Variants in PBX1 observed in about 807,000 individuals in gnomAD.
The protein encoded by PBX1 is PBX homeobox 1.
In PBX1, 6 loss-of-function variants were observed where a neutral mutation model predicts 53.4. That is an observed-to-expected ratio of 0.11 (90% CI 0.06 to 0.22). The LOEUF (loss-of-function observed/expected upper bound fraction) is 0.22. Among genes scored for constraint, PBX1 ranks in the 10% least tolerant of loss-of-function variants. The probability of loss-of-function intolerance (pLI) is 1.00; values close to 1 mark genes in which losing one functional copy is unlikely to be tolerated. For synonymous variants in PBX1, 204 were observed against 212.3 expected, an observed-to-expected ratio of 0.96 and a Z score of 0.34; for missense variants, 251 against 551.4, an observed-to-expected ratio of 0.46 and a Z score of 5.46.
intron 8 of PBX1, among the ~76,000 whole-genome samples, chr1:164,822,858 A>T (rs1038967755): frequency 6.6e-6 from 1 of 152,204 alleles, no homozygotes; most frequent in Non-Finnish European, 1.5e-5. Context: ...CCTTTCTCAC[A>T]GTAAGAGTCC....
At chr1:164,846,104 A>G (rs1671557852) in intron 8 of PBX1, among the ~76,000 whole-genome samples, 1 of 152,172 alleles carries the variant, frequency 6.6e-6, no homozygotes, top group African/African-American at 2.4e-5. Flanking sequence ...TGCAGAACAA[A>G]TACCTGGAAT....
At chr1:164,793,909 C>T (rs1553247247) in intron 3 of PBX1, among the ~76,000 whole-genome samples, 1 of 111,454 alleles carries the variant, frequency 9.0e-6, no homozygotes, top group Non-Finnish European at 1.7e-5. Context: ...GGGTCTCACT[C>T]TGTCACCCAG....
chr1:164,597,931 G>C (rs1655882258), intron 2 of PBX1, among the ~76,000 whole-genome samples: 3 of 152,024 alleles, frequency 2.0e-5, no homozygotes, highest in African/African-American at 7.3e-5. Flanking sequence ...TCCATATTCT[G>C]TTGGTATAAC....
chr1:164,698,561 G>T, intron 2 of PBX1, among the ~76,000 whole-genome samples: 1 of 152,136 alleles, frequency 6.6e-6, no homozygotes, highest in Middle Eastern at 3.4e-3. Flanking sequence ...AATGTTGCCA[G>T]CCTCCCGCAT....
At chr1:164,591,040 T>G in intron 2 of PBX1, among the ~76,000 whole-genome samples, 1 of 142,362 alleles carries the variant, frequency 7.0e-6, no homozygotes, top group South Asian at 2.3e-4. Flanking sequence ...TGAGATGGAG[T>G]CTTGCTCTGT....
At chr1:164,599,350 C>G (rs899568051) in intron 2 of PBX1, among the ~76,000 whole-genome samples, 1 of 152,104 alleles carries the variant, frequency 6.6e-6, no homozygotes, top group Non-Finnish European at 1.5e-5. Context: ...TCTTCTACTG[C>G]TCAGCCACAC....
At chr1:164,775,320 C>T (rs984244876) in intron 2 of PBX1, among the ~76,000 whole-genome samples, 3 of 152,086 alleles carry the variant, frequency 2.0e-5, no homozygotes, top group South Asian at 2.1e-4. Flanking sequence ...GTTTGCAAGG[C>T]GATCTTAGTG....
chr1:164,870,329 CTTTCTTTCTTTCTTTCTTTCTTTCTTT>C lies in PBX1; in HGVS notation n.258-28858_258-28832del, dbSNP rs1558053800. On this transcript the variant is annotated intron_variant and non_coding_transcript_variant, in intron 2 of 2. Transcript: ENST00000558796. ...TCTTTCTTTCTTTCTTTCTTTCTTT[CTTTCTTTCTTTCTTTCTTTCTTTCTTT>C]CTTTCGAGATGAAGTCTTGCTCTGT... Among the ~76,000 whole-genome samples the C allele has an allele frequency of 5.7e-4, 59 of 103,316 alleles. 1 individual carries two copies. Among genetic ancestry groups the C allele is most frequent in the South Asian group, 1.8e-3 (5 of 2,818 alleles). The allele number at this position is 103,316 out of a possible 152,430, so 67.8% of individuals were successfully genotyped here. A position where few individuals can be genotyped will look rare whatever the true frequency, so the allele number is the denominator to read the frequency against.
In PBX1 at chr1:164,753,093, C is replaced by T. The variant is rs192297112; in HGVS notation, c.266-39401C>T. ...CGGGGCTGTTGGAGAATAGTGAAAA[C>T]GATCTGAATCTTTTATCTGTGCTGC... On this transcript the variant is annotated intron_variant, in intron 2 of 8. Coordinates refer to ENST00000420696, the MANE Select transcript of PBX1 (RefSeq NM_002585.4). Among the ~76,000 whole-genome samples, 403 of 152,258 alleles carry T rather than the reference C, an allele frequency of 2.6e-3. 1 individual carries two copies. The highest frequency in any genetic ancestry group is 8.9e-3 in the African/African-American group (371 of 41,552).
At chr1:164,572,436 A>T (rs1291561418) in intron 2 of PBX1, among the ~76,000 whole-genome samples, 1 of 152,216 alleles carries the variant, frequency 6.6e-6, no homozygotes, top group Non-Finnish European at 1.5e-5. Context: ...ATCAGGATTT[A>T]TGTGAAATCT....
intron 2 of PBX1, among the ~76,000 whole-genome samples, chr1:164,614,629 T>C (rs1480052774): frequency 6.6e-6 from 1 of 152,196 alleles, no homozygotes; most frequent in Non-Finnish European, 1.5e-5. Context: ...CTGTGAAATA[T>C]GGAAGCAGAT....
intron 2 of PBX1, among the ~76,000 whole-genome samples, chr1:164,638,632 G>A (rs911317346): frequency 1.3e-5 from 2 of 152,176 alleles, no homozygotes; most frequent in Admixed American, 1.3e-4. Context: ...AGCAGAGCGT[G>A]ACTACTGATT....
At chr1:164,748,904 C>T (rs913596348) in intron 2 of PBX1, among the ~76,000 whole-genome samples, 2 of 152,014 alleles carry the variant, frequency 1.3e-5, no homozygotes, top group African/African-American at 4.8e-5. Flanking sequence ...TTCTCCACTC[C>T]AAGATGGGAT....
chr1:164,609,567 T>G (rs1482682818), intron 2 of PBX1, among the ~76,000 whole-genome samples: 2 of 152,186 alleles, frequency 1.3e-5, no homozygotes, highest in Non-Finnish European at 2.9e-5. Flanking sequence ...TCCTTGAGGC[T>G]TTCCCATTCC....
chr1:164,823,972 T>C (rs1467584687), intron 8 of PBX1, among the ~76,000 whole-genome samples: 1 of 152,010 alleles, frequency 6.6e-6, no homozygotes, highest in Non-Finnish European at 1.5e-5. Context: ...CATGTGTGTA[T>C]AGAGCAGGAC....
intron 2 of PBX1, among the ~76,000 whole-genome samples, chr1:164,761,610 A>G (rs566570188): frequency 2.4e-4 from 36 of 152,114 alleles, no homozygotes; most frequent in Admixed American, 7.2e-4. Flanking sequence ...ATGCCCGGCT[A>G]ATTTTTGTAT....
intron 2 of PBX1, among the ~76,000 whole-genome samples, chr1:164,763,136 A>C (rs1557992328): frequency 1.3e-5 from 2 of 152,234 alleles, no homozygotes; most frequent in Non-Finnish European, 2.9e-5. Context: ...ATTAGGTTCA[A>C]ATGTGAGTAG....
At chr1:164,704,719 T>C (rs1463712042) in intron 2 of PBX1, among the ~76,000 whole-genome samples, 1 of 152,224 alleles carries the variant, frequency 6.6e-6, no homozygotes, top group Admixed American at 6.5e-5. Context: ...TATCTTACTT[T>C]ATTTGCTTTT....
intron 2 of PBX1, among the ~76,000 whole-genome samples, chr1:164,880,053 G>C (rs1159881628): frequency 6.6e-6 from 1 of 152,128 alleles, no homozygotes; most frequent in Non-Finnish European, 1.5e-5. Flanking sequence ...TTTCCCTTCT[G>C]TCAAGGATGG....
Sources: gnomAD v4.1 joint callset for allele counts (sites outside exome capture counted in the v4.1 genomes callset) on GRCh38, gnomAD v4.1.1 for gene constraint, MANE v1.5 for transcripts, NCBI Gene and HGNC (gene_info 2026-07-23, HGNC 2026-07-21) for gene names.